Variants in CFAP20DC observed in about 807,000 individuals in gnomAD.
CFAP20DC encodes the protein protein CFAP20DC.
Under a neutral mutation model 101.7 loss-of-function variants are expected in CFAP20DC, and 84 were observed. That is an observed-to-expected ratio of 0.83 (90% CI 0.69 to 0.99). The LOEUF (loss-of-function observed/expected upper bound fraction) is 0.99, where lower values mean the gene tolerates loss of function less well. Among genes scored for constraint, CFAP20DC ranks in the 50% least tolerant of loss-of-function variants. CFAP20DC has a pLI of 0.00. For synonymous variants in CFAP20DC, 359 were observed against 351.2 expected, an observed-to-expected ratio of 1.02 and a Z score of -0.25; for missense variants, 1,007 against 970.3, an observed-to-expected ratio of 1.04 and a Z score of -0.50.
intron 4 of CFAP20DC, among the ~76,000 whole-genome samples, chr3:58,954,739 C>G (rs1025523196): frequency 3.3e-5 from 5 of 152,052 alleles, no homozygotes. Flanking sequence ...AGAAGAGAAG[C>G]AATTCTGAAC....
At chr3:58,951,707 T>A (rs1334271390) in intron 4 of CFAP20DC, among the ~76,000 whole-genome samples, 1 of 149,318 alleles carries the variant, frequency 6.7e-6, no homozygotes. Flanking sequence ...AATTGAACAA[T>A]GAGATCACAT....
At chr3:58,815,225 T>G (rs1340047799) in intron 14 of CFAP20DC, among the ~76,000 whole-genome samples, 1 of 151,592 alleles carries the variant, frequency 6.6e-6, no homozygotes, top group South Asian at 2.1e-4. Context: ...CTATCTAATC[T>G]TTGACAAACC....
chr3:58,858,720 T>C (rs2079026355), intron 12 of CFAP20DC, among the ~76,000 whole-genome samples: 1 of 152,200 alleles, frequency 6.6e-6, no homozygotes, highest in African/African-American at 2.4e-5. Context: ...AAATACACTT[T>C]TGATGGTAGT....
Position 58,742,367 on chromosome 3 carries a change from C to A in CFAP20DC, c.*93G>T. 7.5e-7 allele frequency: 1 copy of A among 1,327,560 alleles called. No homozygotes were observed. Among genetic ancestry groups the A allele is most frequent in the Non-Finnish European group, 9.7e-7 (1 of 1,028,966 alleles). 82.2% of individuals were successfully genotyped at this position (1,327,560 alleles called of 1,614,324 possible). ...TCAGTTACTGTTGATTTTGTGGTCA[C>A]CCAACACATAAGTTGTGGTGACTCC... On this transcript the variant is annotated 3_prime_UTR_variant, in exon 17 of 17. Coordinates refer to ENST00000482387, the MANE Select transcript of CFAP20DC (RefSeq NM_001394063.1).
In CFAP20DC at chr3:58,945,783, G is replaced by A. The variant is rs146751417; in HGVS notation, c.279-8021C>T. ...GCGATGTCGGCTCACTGCAACCTCC[G>A]CCTCCCTGGTTCAAGCGATTCTCCT... On this transcript the variant is annotated intron_variant, in intron 4 of 16. Transcript: ENST00000482387. Among the ~76,000 whole-genome samples, 709 of 147,940 alleles carry A rather than the reference G, an allele frequency of 4.8e-3. 3 individuals carry two copies. Among genetic ancestry groups the A allele is most frequent in the African/African-American group, 0.017 (682 of 40,042 alleles).
Position 58,937,772 on chromosome 3 carries a change from T to C in CFAP20DC, c.279-10A>G, listed in dbSNP as rs542740822. ...CCCTAAATCAGTAATTCTGAAAACA[T>C]GGAGGAGAGAAGACAGAAAGATTCC... On this transcript the variant is annotated splice_polypyrimidine_tract_variant and intron_variant, in intron 4 of 16. Coordinates refer to ENST00000482387, the MANE Select transcript of CFAP20DC (RefSeq NM_001394063.1). The C allele has an allele frequency of 5.9e-5, 84 of 1,416,218 alleles. No individual in the cohort carries two copies. In the East Asian group the frequency reaches 8.9e-4, roughly 15 times the overall value. The allele number at this position is 1,416,218 out of a possible 1,614,324, so 87.7% of individuals were successfully genotyped here. A position where few individuals can be genotyped will look rare whatever the true frequency, so the allele number is the denominator to read the frequency against.
rs1013119651 is a variant in CFAP20DC at position 58,721,830 on chromosome 3, C to T, written c.198-4202G>A. ...CCAGGGCAGGAATCCAAAGTGGAGACCACCAGGCTCTGGTCATGTTGGGGT... is the reference window on the plus strand; with the variant it reads ...CCAGGGCAGGAATCCAAAGTGGAGATCACCAGGCTCTGGTCATGTTGGGGT... On this transcript the variant is annotated intron_variant, in intron 3 of 3. Transcript: ENST00000486145. This position sits in a 1 kb window ranked among gnomAD's most constrained non-coding sequence, Gnocchi z 5.2. 6.6e-6 allele frequency among the ~76,000 whole-genome samples: 1 copy of T among 152,208 alleles called. No individual in the cohort carries two copies.
At chr3:58,747,600 C>T (rs1488606322) in intron 16 of CFAP20DC, among the ~76,000 whole-genome samples, 2 of 152,096 alleles carry the variant, frequency 1.3e-5, no homozygotes, top group Non-Finnish European at 2.9e-5. Flanking sequence ...TCCTATAGAT[C>T]TTGAGAACTG....
chr3:58,844,240 C>T (rs1467109436), intron 13 of CFAP20DC, among the ~76,000 whole-genome samples: 17 of 146,132 alleles, frequency 1.2e-4, no homozygotes, highest in African/African-American at 3.6e-4. Flanking sequence ...AGAGTCAAGA[C>T]CCATCAGTGT....
chr3:58,856,563 G>A (rs2078845513), intron 12 of CFAP20DC, among the ~76,000 whole-genome samples: 1 of 152,150 alleles, frequency 6.6e-6, no homozygotes, highest in African/African-American at 2.4e-5. Flanking sequence ...ACCCTAGGAT[G>A]TTCATATGGT....
At position 58,795,781 on chromosome 3, in the gene CFAP20DC, T is replaced by G. The variant is rs1352838148; in HGVS notation, c.2237+10614A>C. Among the ~76,000 whole-genome samples, 3 of 152,210 alleles carry G rather than the reference T, an allele frequency of 2.0e-5. No individual in the cohort carries two copies. The highest frequency in any genetic ancestry group is 4.4e-5 in the Non-Finnish European group (3 of 68,038). ...GGGAATGGGTTTCATAAGTTTATAA[T>G]TTTCGAAAACATGACAATAACTGAA... On this transcript the variant is annotated intron_variant, in intron 15 of 16. Transcript: ENST00000482387. The surrounding 1 kb of genome is among the most constrained non-coding windows in gnomAD (Gnocchi z 4.2).
At chr3:58,876,145 G>T (rs1233672642) in intron 7 of CFAP20DC, among the ~76,000 whole-genome samples, 1 of 151,826 alleles carries the variant, frequency 6.6e-6, no homozygotes, top group Admixed American at 6.6e-5. Context: ...CCACTATTTA[G>T]TATCTCTTTA....
chr3:58,737,249 C>T (rs2067777567), downstream of CFAP20DC: 1 of 456,206 alleles, frequency 2.2e-6, no homozygotes, highest in Non-Finnish European at 4.4e-6. The surrounding 1 kb of genome is among the most constrained non-coding windows in gnomAD (Gnocchi z 4.1). Flanking sequence ...AAACAAAAAG[C>T]AAAGAAACAC....
chr3:58,941,520 T>C (rs1258805917), intron 4 of CFAP20DC, among the ~76,000 whole-genome samples: 3 of 151,872 alleles, frequency 2.0e-5, no homozygotes, highest in Non-Finnish European at 4.4e-5. Context: ...TGTCCCGGAG[T>C]GAATAAAGAC....
chr3:58,758,740 G>C (rs538083734), intron 15 of CFAP20DC, among the ~76,000 whole-genome samples: 2 of 151,886 alleles, frequency 1.3e-5, no homozygotes, highest in Non-Finnish European at 2.9e-5. Flanking sequence ...TCCTGTGTCC[G>C]TGTGTTCTCA....
chr3:58,786,619 C>A (rs922540601), intron 15 of CFAP20DC, among the ~76,000 whole-genome samples: 1 of 151,740 alleles, frequency 6.6e-6, no homozygotes, highest in African/African-American at 2.4e-5. Context: ...TCAGATCGTC[C>A]GTGATAGTAT....
chr3:58,837,589 A>G (rs2076824873), intron 13 of CFAP20DC, among the ~76,000 whole-genome samples: 1 of 152,182 alleles, frequency 6.6e-6, no homozygotes, highest in South Asian at 2.1e-4. Flanking sequence ...TAATATGCAC[A>G]CTTCTCTCTG....
At position 58,853,475 on chromosome 3, in the gene CFAP20DC, A is replaced by C. The variant is rs532943927; in HGVS notation, c.1594-4066T>G. The stretch of plus-strand genomic sequence containing the variant: ...TAGAAAAAGAGGGAATCCTCCCTAA[A>C]TCATTTTATGAGGCCAGCATCATCC... On this transcript the variant is annotated intron_variant, in intron 12 of 16. Coordinates refer to ENST00000482387, the MANE Select transcript of CFAP20DC (RefSeq NM_001394063.1). Among the ~76,000 whole-genome samples, 47 of 152,044 alleles carry C rather than the reference A, an allele frequency of 3.1e-4. 1 individual carries two copies. Among genetic ancestry groups the C allele is most frequent in the South Asian group, 2.7e-3 (13 of 4,798 alleles).
chr3:59,023,515 A>C (rs1281933511), intron 4 of CFAP20DC, among the ~76,000 whole-genome samples: 1 of 152,094 alleles, frequency 6.6e-6, no homozygotes, highest in Non-Finnish European at 1.5e-5. Flanking sequence ...AAAAGCTGAG[A>C]GCTTGTAAGG....
Sources: allele counts gnomAD v4.1 joint callset (sites outside exome capture counted in the v4.1 genomes callset), GRCh38; gene constraint gnomAD v4.1.1; non-coding constraint Gnocchi (gnomAD v3.1); transcripts MANE v1.5; gene names NCBI Gene and HGNC (gene_info 2026-07-23, HGNC 2026-07-21).